Variants in NCKAP5 observed in about 807,000 individuals in gnomAD.
NCKAP5 encodes the protein nck-associated protein 5.
A neutral mutation model predicts 167.0 loss-of-function variants in NCKAP5; 92 were observed. The observed-to-expected ratio is 0.55, with a 90% CI of 0.47 to 0.66. The LOEUF (loss-of-function observed/expected upper bound fraction) is 0.66, where lower values mean the gene tolerates loss of function less well. Ranked by LOEUF, NCKAP5 falls within the 30% of genes least tolerant of loss-of-function variation. NCKAP5 has a pLI of 0.00. For missense variants in NCKAP5, 2,378 were observed against 2,315.0 expected (o/e 1.03, Z -0.56); for synonymous variants, 891 against 877.4 (o/e 1.02, Z -0.27).
At chr2:133,298,624 T>C (rs1680131422) in intron 4 of NCKAP5, among the ~76,000 whole-genome samples, 2 of 152,198 alleles carry the variant, frequency 1.3e-5, no homozygotes, top group Admixed American at 1.3e-4. Context: ...ATAATGCGTG[T>C]AAGATACACT....
chr2:133,063,608 T>C (rs982872360), intron 6 of NCKAP5, among the ~76,000 whole-genome samples: 29 of 152,324 alleles, frequency 1.9e-4, no homozygotes, highest in East Asian at 9.6e-4. Flanking sequence ...CATTTTTTTT[T>C]CCCAATAACT....
chr2:133,094,581 G>A (rs1033372345), intron 6 of NCKAP5, among the ~76,000 whole-genome samples: 1 of 151,974 alleles, frequency 6.6e-6, no homozygotes, highest in Non-Finnish European at 1.5e-5. Context: ...TGTGGTGGGC[G>A]GAATTGTCAA....
In NCKAP5 at chr2:132,672,871, A is replaced by C; in HGVS notation, c.*418T>G. On this transcript the variant is annotated 3_prime_UTR_variant, in exon 20 of 20. Coordinates refer to ENST00000409261, the MANE Select transcript of NCKAP5 (RefSeq NM_207363.3). ...ATCTTTATTGCCCTGTCAGAGAAAT[A>C]AGCTCTGGTGGGTTGCCTGCTGTGA... 2 of 676,806 alleles carry C rather than the reference A, an allele frequency of 3.0e-6. No homozygotes were observed. The highest frequency in any genetic ancestry group is 3.7e-6 in the Non-Finnish European group (2 of 547,224). The allele number at this position is 676,806 out of a possible 1,614,324, so 41.9% of individuals were successfully genotyped here. A position where few individuals can be genotyped will look rare whatever the true frequency, so the allele number is the denominator to read the frequency against.
chr2:133,487,738 G>A (rs1455886733), intron 3 of NCKAP5, among the ~76,000 whole-genome samples: 1 of 152,128 alleles, frequency 6.6e-6, no homozygotes, highest in Non-Finnish European at 1.5e-5. Flanking sequence ...TCCTAGAATA[G>A]CTGCCTGAGA....
At chr2:133,372,456 C>T (rs1324389257) in intron 3 of NCKAP5, among the ~76,000 whole-genome samples, 1 of 152,208 alleles carries the variant, frequency 6.6e-6, no homozygotes, top group African/African-American at 2.4e-5. Context: ...GGTTCTTTCT[C>T]AACATCTCCT....
At chr2:132,921,907 C>T (rs1169280651) in intron 8 of NCKAP5, among the ~76,000 whole-genome samples, 2 of 152,178 alleles carry the variant, frequency 1.3e-5, no homozygotes, top group African/African-American at 4.8e-5. Flanking sequence ...GAGATGAGCC[C>T]ATGACTCTAT....
Position 132,771,698 on chromosome 2 carries a change from A to T in NCKAP5, c.5128+2118T>A, listed in dbSNP as rs1264059802. Among the ~76,000 whole-genome samples the T allele has an allele frequency of 3.3e-5, 5 of 150,520 alleles. No homozygotes were observed. In the South Asian group the frequency reaches 1.0e-3, roughly 32 times the overall value. ...TAATTGTTTTTTTTTTTTGAGACAGAGTCTCGCTCTGTCACCCAGGCTAGA... is the reference window on the plus strand; with the variant it reads ...TAATTGTTTTTTTTTTTTGAGACAGTGTCTCGCTCTGTCACCCAGGCTAGA... On this transcript the variant is annotated intron_variant, in intron 16 of 19. Transcript: ENST00000409261.
the NCKAP5 span, among the ~76,000 whole-genome samples, chr2:133,654,973 C>T: frequency 6.6e-6 from 1 of 152,198 alleles, no homozygotes; most frequent in Non-Finnish European, 1.5e-5. Context: ...ATCAAAGCTG[C>T]TGTTGGCTGA....
intron 3 of NCKAP5, among the ~76,000 whole-genome samples, chr2:133,306,347 T>A (rs1314595867): frequency 6.6e-6 from 1 of 152,130 alleles, no homozygotes; most frequent in Non-Finnish European, 1.5e-5. Context: ...AAATGCAACA[T>A]GGAACCCATG....
At chr2:132,760,182 A>G (rs546826738) in intron 16 of NCKAP5, among the ~76,000 whole-genome samples, 126 of 152,204 alleles carry the variant, frequency 8.3e-4, no homozygotes, top group African/African-American at 2.8e-3. Flanking sequence ...GAGAGTGTTT[A>G]CCACTTTCTC....
intron 3 of NCKAP5, among the ~76,000 whole-genome samples, chr2:133,492,311 G>T (rs538302332): frequency 6.6e-6 from 1 of 152,290 alleles, no homozygotes; most frequent in East Asian, 1.9e-4. Flanking sequence ...TGTAAAATGG[G>T]GATGACAACA....
intron 3 of NCKAP5, among the ~76,000 whole-genome samples, chr2:133,432,667 A>G (rs904343520): frequency 3.3e-5 from 5 of 152,222 alleles, no homozygotes; most frequent in African/African-American, 1.2e-4. Flanking sequence ...TACTCCTGCA[A>G]GACTATGAGC....
At chr2:133,271,507 A>C (rs2089510860) in intron 4 of NCKAP5, among the ~76,000 whole-genome samples, 1 of 152,224 alleles carries the variant, frequency 6.6e-6, no homozygotes, top group South Asian at 2.1e-4. Context: ...CCTTTGCTAT[A>C]ATTCCCACCT....
intron 6 of NCKAP5, among the ~76,000 whole-genome samples, chr2:132,996,950 T>A (rs1438370303): frequency 6.6e-6 from 1 of 152,206 alleles, no homozygotes; most frequent in African/African-American, 2.4e-5. Flanking sequence ...GAACTGGTTA[T>A]CTTTTCCAGG....
chr2:133,324,726 C>CT (rs1158518360), intron 3 of NCKAP5, among the ~76,000 whole-genome samples: 1 of 149,388 alleles, frequency 6.7e-6, no homozygotes, highest in Non-Finnish European at 1.5e-5. Context: ...TTTTTTTTTT[C>CT]TTTTCTTTTT....
At chr2:133,610,289 G>T in the NCKAP5 span, among the ~76,000 whole-genome samples, 2 of 152,200 alleles carry the variant, frequency 1.3e-5, no homozygotes, top group African/African-American at 2.4e-5. Context: ...GAGGGTTAAT[G>T]AAAGAGACAA....
At chr2:133,152,077 G>T (rs1196867353) in intron 5 of NCKAP5, among the ~76,000 whole-genome samples, 3 of 152,116 alleles carry the variant, frequency 2.0e-5, no homozygotes, top group African/African-American at 7.2e-5. Flanking sequence ...AAAATATGAA[G>T]GATTATTGAG....
intron 19 of NCKAP5, among the ~76,000 whole-genome samples, chr2:132,725,253 G>A (rs188742026): frequency 5.9e-5 from 9 of 152,346 alleles, no homozygotes; most frequent in African/African-American, 2.2e-4. Context: ...ACAGCATGAC[G>A]TTAGCAGAGA....
intron 4 of NCKAP5, among the ~76,000 whole-genome samples, chr2:133,258,481 C>T (rs1199611339): frequency 6.6e-6 from 1 of 152,144 alleles, no homozygotes; most frequent in Non-Finnish European, 1.5e-5. Flanking sequence ...GTGGCTCACA[C>T]CTGAAATCCC....
Sources: gnomAD v4.1 joint callset for allele counts (sites outside exome capture counted in the v4.1 genomes callset) on GRCh38, gnomAD v4.1.1 for gene constraint, MANE v1.5 for transcripts, NCBI Gene and HGNC (gene_info 2026-07-23, HGNC 2026-07-21) for gene names.